RYR3: variants seen among roughly 807,000 people sequenced by gnomAD.
RYR3 encodes brain ryanodine receptor-calcium release channel.
A neutral mutation model predicts 584.3 loss-of-function variants in RYR3; 207 were observed. That is an observed-to-expected ratio of 0.35 (90% CI 0.32 to 0.40). The LOEUF is 0.40. Among genes scored for constraint, RYR3 ranks in the 10% least tolerant of loss-of-function variants. RYR3 has a pLI of 1.00. For missense variants in RYR3, 5,616 were observed against 6,089.2 expected (o/e 0.92, Z 2.59); for synonymous variants, 2,416 against 2,248.5 (o/e 1.07, Z -2.11).
chr15:33,771,306 C>T (rs1184101052), intron 62 of RYR3, among the ~76,000 whole-genome samples: 2 of 152,172 alleles, frequency 1.3e-5, no homozygotes, highest in African/African-American at 2.4e-5. Context: ...GAGGCCAAGG[C>T]GGGCGGATCA....
intron 4 of RYR3, among the ~76,000 whole-genome samples, chr15:33,532,477 G>C (rs1460144508): frequency 1.3e-5 from 2 of 151,900 alleles, no homozygotes; most frequent in Admixed American, 6.6e-5. Context: ...TTTTAGTCTG[G>C]TTGCTACACA....
At chr15:33,818,007 C>G (rs569387243) in intron 75 of RYR3, among the ~76,000 whole-genome samples, 1 of 152,330 alleles carries the variant, frequency 6.6e-6, no homozygotes, top group African/African-American at 2.4e-5. Flanking sequence ...GCCTGCAGCT[C>G]CAGGATGGCA....
chr15:33,843,090 T>C (rs1050449102), intron 91 of RYR3, among the ~76,000 whole-genome samples: 2 of 151,746 alleles, frequency 1.3e-5, no homozygotes, highest in African/African-American at 4.8e-5. Flanking sequence ...GAGGCCGAGA[T>C]GGGTGGATCA....
intron 1 of RYR3, among the ~76,000 whole-genome samples, chr15:33,321,769 A>G (rs1968998474): frequency 6.6e-6 from 1 of 152,212 alleles, no homozygotes; most frequent in African/African-American, 2.4e-5. Context: ...GGTCTCCTTA[A>G]AGAAAGGAGA....
chr15:33,347,503 G>A (rs1432744748), intron 1 of RYR3, among the ~76,000 whole-genome samples: 1 of 151,166 alleles, frequency 6.6e-6, no homozygotes, highest in Non-Finnish European at 1.5e-5. Flanking sequence ...CTGGAGTGCA[G>A]TGGTGCTATC....
intron 37 of RYR3, among the ~76,000 whole-genome samples, chr15:33,669,837 T>G (rs1289755213): frequency 1.5e-4 from 2 of 13,364 alleles, no homozygotes; most frequent in African/African-American, 2.4e-4. Context: ...TAGGGGTGTG[T>G]GTGTGTGGGG....
chr15:33,548,594 G>C (rs768267552), intron 9 of RYR3, among the ~76,000 whole-genome samples: 83 of 152,336 alleles, frequency 5.4e-4, no homozygotes, highest in Middle Eastern at 3.4e-3. Flanking sequence ...ATGGCACACA[G>C]ACAGGTGGTC....
intron 31 of RYR3, among the ~76,000 whole-genome samples, chr15:33,651,852 G>C (rs1056647706): frequency 8.5e-5 from 13 of 152,188 alleles, no homozygotes; most frequent in African/African-American, 3.1e-4. Flanking sequence ...AGGTGCCTGA[G>C]CTGACGTACA....
At chr15:33,465,462 G>C (rs1253035178) in intron 1 of RYR3, among the ~76,000 whole-genome samples, 1 of 152,008 alleles carries the variant, frequency 6.6e-6, no homozygotes, top group Non-Finnish European at 1.5e-5. Flanking sequence ...TTTTCCATAT[G>C]CTCACCAATA....
chr15:33,705,989 T>C (rs1221435404), intron 42 of RYR3, among the ~76,000 whole-genome samples: 2 of 152,336 alleles, frequency 1.3e-5, no homozygotes, highest in Admixed American at 6.5e-5. Context: ...AACCAGGAAC[T>C]GACAGTACAT....
chr15:33,818,764 C>A, intron 76 of RYR3, 80 bp downstream of exon 76: 1 of 997,490 alleles, frequency 1.0e-6, no homozygotes. Flanking sequence ...TCTCAGACGG[C>A]AGTGGGTGGA....
intron 1 of RYR3, among the ~76,000 whole-genome samples, chr15:33,439,154 G>A (rs527276342): frequency 6.6e-6 from 1 of 152,038 alleles, no homozygotes; most frequent in South Asian, 2.1e-4. Context: ...ATATAGAAAT[G>A]CTTTTGCTTT....
chr15:33,674,961 A>C (rs2064079393), intron 38 of RYR3, among the ~76,000 whole-genome samples: 3 of 151,512 alleles, frequency 2.0e-5, no homozygotes, highest in Non-Finnish European at 4.4e-5. Flanking sequence ...ATCTTGAAAA[A>C]TCCAGTGGCT....
At chr15:33,504,001 C>T (rs1192850684) in intron 3 of RYR3, among the ~76,000 whole-genome samples, 1 of 152,162 alleles carries the variant, frequency 6.6e-6, no homozygotes, top group Non-Finnish European at 1.5e-5. Flanking sequence ...AGCCTACTCC[C>T]CTCTCTTATC....
At chr15:33,529,650 T>C (rs962598936) in intron 3 of RYR3, among the ~76,000 whole-genome samples, 6 of 152,156 alleles carry the variant, frequency 3.9e-5, no homozygotes, top group Non-Finnish European at 1.5e-5. Flanking sequence ...TGCTCAAATA[T>C]TTTCTCCAAA....
chr15:33,503,664 G>A lies in RYR3; in HGVS notation c.205G>A (p.Val69Met). The A allele has an allele frequency of 1.2e-6, 2 of 1,612,886 alleles. No individual in the cohort carries two copies. Among genetic ancestry groups the A allele is most frequent in the Non-Finnish European group, 1.7e-6 (2 of 1,179,416 alleles). ...IPPDLCVCNF[V>M]LEQSLSVRAL... ...TCCAGATCTCTGCGTCTGCAATTTT[G>A]TGCTGGAACAGTCCCTATCTGTCAG... The change falls in exon 3 of 104, where the codon GTG becomes ATG. Residue 69 changes from valine to methionine, a missense_variant. Physicochemically the swap from Val to Met is conservative, Grantham distance 21. Transcript: ENST00000634891.
chr15:33,597,762 C>A (rs955202485), intron 16 of RYR3, among the ~76,000 whole-genome samples: 3 of 151,708 alleles, frequency 2.0e-5, no homozygotes, highest in African/African-American at 7.3e-5. Context: ...AGTTTAAGAG[C>A]TTTTATTTTT....
chr15:33,601,911 A>G (rs1437211109), intron 17 of RYR3, among the ~76,000 whole-genome samples: 1 of 152,140 alleles, frequency 6.6e-6, no homozygotes, highest in African/African-American at 2.4e-5. Context: ...TTTTTCTGTA[A>G]TCTTTTCATA....
chr15:33,789,457 G>A (rs190252554), intron 67 of RYR3, among the ~76,000 whole-genome samples: 183 of 150,680 alleles, frequency 1.2e-3, no homozygotes, highest in Admixed American at 0.011. Flanking sequence ...GGGTGGGAGA[G>A]AGTGATGGGG....
Sources: gnomAD v4.1 joint callset for allele counts (sites outside exome capture counted in the v4.1 genomes callset) on GRCh38, gnomAD v4.1.1 for gene constraint, MANE v1.5 for transcripts, NCBI Gene and HGNC (gene_info 2026-07-23, HGNC 2026-07-21) for gene names.